ZNF267: variants seen among roughly 807,000 people sequenced by gnomAD.
ZNF267 encodes zinc finger protein 267, also known as zinc finger (C2H2).
In ZNF267, 61 loss-of-function variants were observed where a neutral mutation model predicts 71.6. The ratio of observed to expected loss-of-function variants is 0.85; its 90% CI spans 0.69 to 1.05. The LOEUF (loss-of-function observed/expected upper bound fraction) is 1.05. ZNF267 is among the 50% of genes least tolerant of loss of function. The pLI is 0.00. For synonymous variants in ZNF267, 288 were observed against 293.2 expected (o/e 0.98, Z 0.18); for missense variants, 852 against 870.0 (o/e 0.98, Z 0.26).
chr16:31,915,898 G>A lies in ZNF267; in HGVS notation c.1649G>A (p.Cys550Tyr). The A allele has an allele frequency of 6.2e-7, 1 of 1,613,860 alleles. No individual in the cohort carries two copies. The highest frequency in any genetic ancestry group is 8.5e-7 in the Non-Finnish European group (1 of 1,179,988). Reference protein sequence around the residue: ...RIHTGEKPYKCKECGKAFPYS... With the variant: ...RIHTGEKPYKYKECGKAFPYS... ...CATACTGGAGAGAAACCCTATAAAT[G>A]TAAAGAATGTGGCAAAGCCTTTCCT... The change falls in exon 4 of 4, where the codon TGT becomes TAT. Residue 550 changes from cysteine to tyrosine, a missense_variant. Coordinates refer to ENST00000300870, the MANE Select transcript of ZNF267 (RefSeq NM_003414.6).
At chr16:31,880,916 G>A (rs1033436071) in intron 1 of ZNF267, among the ~76,000 whole-genome samples, 1 of 152,154 alleles carries the variant, frequency 6.6e-6, no homozygotes, top group Non-Finnish European at 1.5e-5. Context: ...TAAAGCAGAC[G>A]GATAATGGTT....
At chr16:31,874,063 G>A (rs1372596207) in intron 1 of ZNF267, 94 bp downstream of exon 1, 1 of 1,435,498 alleles carries the variant, frequency 7.0e-7, no homozygotes, top group Non-Finnish European at 9.7e-7. Context: ...CCTCCCCGCA[G>A]TCAGCCTCGG....
At chr16:31,908,105 A>G (rs1257540325) in intron 3 of ZNF267, among the ~76,000 whole-genome samples, 1 of 152,100 alleles carries the variant, frequency 6.6e-6, no homozygotes, top group Non-Finnish European at 1.5e-5. Context: ...CTGTAGTTTT[A>G]GGTACTCAGG....
intron 3 of ZNF267, among the ~76,000 whole-genome samples, chr16:31,886,417 C>A (rs2083924879): frequency 6.6e-6 from 1 of 152,160 alleles, no homozygotes; most frequent in Non-Finnish European, 1.5e-5. Context: ...CCTCTCAGAT[C>A]AGCAGCAGCA....
intron 3 of ZNF267, among the ~76,000 whole-genome samples, chr16:31,900,847 C>T (rs1055070630): frequency 7.4e-5 from 11 of 149,636 alleles, no homozygotes; most frequent in African/African-American, 1.7e-4. Flanking sequence ...ATGTGCACAA[C>T]GTGCAGATTT....
In ZNF267 at chr16:31,916,410, T is replaced by C; in HGVS notation, c.2161T>C (p.Cys721Arg). ...AGAGAGACCCTACAAATGTGAAGAA[T>C]GTGGCAAAGCCTTTAACTCTAGGTC... ...SGERPYKCEE[C>R]GKAFNSRSYL... The change falls in exon 4 of 4, where the codon TGT becomes CGT. Residue 721 changes from cysteine (C) to arginine (R), a missense_variant. Cys to Arg is a radical substitution (Grantham distance 180). Transcript: ENST00000300870. The C allele has an allele frequency of 6.2e-7, 1 of 1,614,160 alleles. No individual in the cohort carries two copies. Among genetic ancestry groups the C allele is most frequent in the South Asian group, 1.1e-5 (1 of 91,088 alleles).
At chr16:31,901,410 C>T (rs2084040089) in intron 3 of ZNF267, among the ~76,000 whole-genome samples, 1 of 152,198 alleles carries the variant, frequency 6.6e-6, no homozygotes, top group South Asian at 2.1e-4. Context: ...AGTTTACAGT[C>T]CCACCAACAG....
intron 3 of ZNF267, among the ~76,000 whole-genome samples, chr16:31,886,031 A>G (rs2083921860): frequency 6.6e-6 from 1 of 152,194 alleles, no homozygotes. Context: ...AATAACTATC[A>G]TTCTATAATT....
intron 3 of ZNF267, among the ~76,000 whole-genome samples, chr16:31,885,776 T>C (rs1030554554): frequency 6.6e-6 from 1 of 152,206 alleles, no homozygotes; most frequent in Non-Finnish European, 1.5e-5. Context: ...GCAGTAATTT[T>C]ATGAAAATAC....
In ZNF267 at chr16:31,889,269, T is replaced by C. The variant is rs555523009; in HGVS notation, c.226+4013T>C. 1.1e-4 allele frequency among the ~76,000 whole-genome samples: 17 copies of C among 152,044 alleles called. No homozygotes were observed. The East Asian group carries it at 3.1e-3, about 28-fold the overall frequency. ...TTATTTTTCTAGTCTCTCTCTCTCT[T>C]TGCTCTAATTTTTATTATTTCCATA... On this transcript the variant is annotated intron_variant, in intron 3 of 3. Transcript: ENST00000300870.
chr16:31,915,681 A>G lies in ZNF267; in HGVS notation c.1432A>G (p.Asn478Asp), dbSNP rs371928927. 6.2e-7 allele frequency: 1 copy of G among 1,613,840 alleles called. No homozygotes were observed. The highest frequency in any genetic ancestry group is 1.1e-5 in the South Asian group (1 of 91,040). Reference sequence around the variant, plus strand: ...TAGCAAATCTTATGCTCGTTCTTCAAATCTTATTATGCATCAGAGAGTTCA... The same window carrying G: ...TAGCAAATCTTATGCTCGTTCTTCAGATCTTATTATGCATCAGAGAGTTCA... Reference protein sequence around the residue: ...VCSKSYARSSNLIMHQRVHTG... With the variant: ...VCSKSYARSSDLIMHQRVHTG... Residue 478 changes from asparagine to aspartate, a missense_variant, in exon 4 of 4, where the codon AAT becomes GAT. Physicochemically the swap from Asn to Asp is conservative, Grantham distance 23. Coordinates refer to ENST00000300870, the MANE Select transcript of ZNF267 (RefSeq NM_003414.6).
intron 3 of ZNF267, among the ~76,000 whole-genome samples, chr16:31,891,044 A>G (rs1021813488): frequency 6.6e-6 from 1 of 151,698 alleles, no homozygotes; most frequent in Admixed American, 6.6e-5. Flanking sequence ...TCTTCTGTTA[A>G]TTTTTGGATT....
At chr16:31,900,732 C>T (rs1490666807) in intron 3 of ZNF267, among the ~76,000 whole-genome samples, 1 of 148,728 alleles carries the variant, frequency 6.7e-6, no homozygotes, top group East Asian at 2.0e-4. Flanking sequence ...GCATGAGTCA[C>T]TGTGCCCGGC....
In ZNF267 at chr16:31,915,912, A is replaced by G; in HGVS notation, c.1663A>G (p.Lys555Glu). The change falls in exon 4 of 4, where the codon AAA becomes GAA. Residue 555 changes from lysine (K) to glutamate (E), a missense_variant. Coordinates refer to ENST00000300870, the MANE Select transcript of ZNF267 (RefSeq NM_003414.6). ...EKPYKCKECGKAFPYSSHLIR... is the reference protein window; with the variant it reads ...EKPYKCKECGEAFPYSSHLIR... Reference sequence around the variant, plus strand: ...ACCCTATAAATGTAAAGAATGTGGCAAAGCCTTTCCTTATAGTTCACACCT... The same window carrying G: ...ACCCTATAAATGTAAAGAATGTGGCGAAGCCTTTCCTTATAGTTCACACCT... The G allele has an allele frequency of 1.2e-6, 2 of 1,613,974 alleles. No homozygotes were observed. Among genetic ancestry groups the G allele is most frequent in the Non-Finnish European group, 1.7e-6 (2 of 1,180,004 alleles).
At chr16:31,874,670 G>C (rs995159812) in intron 1 of ZNF267, among the ~76,000 whole-genome samples, 1 of 152,220 alleles carries the variant, frequency 6.6e-6, no homozygotes, top group East Asian at 1.9e-4. Context: ...TAGAAACCTG[G>C]GGCACTATAA....
chr16:31,877,136 C>G (rs568870505), intron 1 of ZNF267, among the ~76,000 whole-genome samples: 5 of 152,196 alleles, frequency 3.3e-5, no homozygotes, highest in Non-Finnish European at 7.4e-5. Context: ...ACACTCCCCC[C>G]ACCCGACAAC....
chr16:31,874,522 C>G (rs145231244), intron 1 of ZNF267, among the ~76,000 whole-genome samples: 3 of 152,314 alleles, frequency 2.0e-5, no homozygotes, highest in Admixed American at 1.3e-4. Flanking sequence ...CGATGGGTTA[C>G]AGTTTGTAGT....
intron 3 of ZNF267, among the ~76,000 whole-genome samples, chr16:31,904,524 C>A (rs1009684872): frequency 6.6e-6 from 1 of 152,140 alleles, no homozygotes; most frequent in African/African-American, 2.4e-5. Flanking sequence ...TGAATTGATC[C>A]CTTTACCATT....
Position 31,916,177 on chromosome 16 carries a change from A to G in ZNF267, c.1928A>G (p.Tyr643Cys), listed in dbSNP as rs373339429. 1.9e-5 allele frequency: 30 copies of G among 1,612,778 alleles called. No individual in the cohort carries two copies. Among genetic ancestry groups the G allele is most frequent in the Middle Eastern group, 3.3e-4 (2 of 6,078 alleles). The change falls in exon 4 of 4, where the codon TAT becomes TGT. Residue 643 changes from tyrosine to cysteine, a missense_variant. Physicochemically the swap from Tyr to Cys is radical, Grantham distance 194. Coordinates refer to ENST00000300870, the MANE Select transcript of ZNF267 (RefSeq NM_003414.6). ...GAAGAATGTGGCAAAGCCTTCAACT[A>G]TAGGTCATACCTCACTACACATCAG... ...KCEECGKAFN[Y>C]RSYLTTHQRS...
Sources: gnomAD v4.1 joint callset for allele counts (sites outside exome capture counted in the v4.1 genomes callset) on GRCh38, gnomAD v4.1.1 for gene constraint, MANE v1.5 for transcripts, NCBI Gene and HGNC (gene_info 2026-07-23, HGNC 2026-07-21) for gene names.